Variants in LRRIQ4 observed in about 807,000 individuals in gnomAD.
The protein encoded by LRRIQ4 is leucine-rich repeat and IQ domain-containing protein 4.
LRRIQ4 carries 21 observed loss-of-function variants against 40.1 expected under a neutral mutation model. The observed-to-expected ratio is 0.52, with a 90% CI of 0.37 to 0.75. LRRIQ4 has a LOEUF of 0.75. LRRIQ4 is among the 30% of genes least tolerant of loss of function. The pLI, the probability that LRRIQ4 is intolerant of heterozygous loss-of-function variation, is 0.00. For missense variants in LRRIQ4, 655 were observed against 660.0 expected (o/e 0.99, Z 0.08); for synonymous variants, 277 against 277.1 (o/e 1.00, Z 0.00).
chr3:169,827,353 ATC>A (rs1349166360), intron 2 of LRRIQ4, among the ~76,000 whole-genome samples: 1 of 152,144 alleles, frequency 6.6e-6, no homozygotes, highest in Non-Finnish European at 1.5e-5. Context: ...CATGCCTGTA[ATC>A]TCAGCACTTT....
At chr3:169,831,071 T>G (rs1281249930) in intron 4 of LRRIQ4, among the ~76,000 whole-genome samples, 1 of 152,114 alleles carries the variant, frequency 6.6e-6, no homozygotes, top group Non-Finnish European at 1.5e-5. Flanking sequence ...ATAATTGACC[T>G]GGAAAACTAT....
intron 4 of LRRIQ4, 79 bp downstream of exon 4, chr3:169,830,709 C>A: frequency 1.3e-6 from 2 of 1,525,172 alleles, no homozygotes; most frequent in Non-Finnish European, 1.8e-6. Context: ...CCTTGCTTTG[C>A]TAAAGACCTA....
In LRRIQ4 at chr3:169,837,663, C is replaced by T. The variant is rs752537669; in HGVS notation, c.*32C>T. On this transcript the variant is annotated 3_prime_UTR_variant, in exon 6 of 6. Transcript: ENST00000340806. Reference sequence around the variant, plus strand: ...AAATTGATAAATTGGGGTAATGGACCTTGATAGATTAAGAAGACAAAATAT... The same window carrying T: ...AAATTGATAAATTGGGGTAATGGACTTTGATAGATTAAGAAGACAAAATAT... 23 of 1,508,702 alleles carry T rather than the reference C, an allele frequency of 1.5e-5. No homozygotes were observed. The highest frequency in any genetic ancestry group is 2.4e-5 in the Admixed American group (1 of 40,930). The allele number at this position is 1,508,702 out of a possible 1,614,324, so 93.5% of individuals were successfully genotyped here. A position where few individuals can be genotyped will look rare whatever the true frequency, so the allele number is the denominator to read the frequency against.
In LRRIQ4 at chr3:169,822,327, G is replaced by T; in HGVS notation, c.406G>T (p.Val136Phe). 6.2e-7 allele frequency: 1 copy of T among 1,613,774 alleles called. No homozygotes were observed. Among genetic ancestry groups the T allele is most frequent in the Non-Finnish European group, 8.5e-7 (1 of 1,179,828 alleles). The change falls in exon 2 of 6, where the codon GTC (valine) becomes TTC (phenylalanine). Residue 136 changes from valine (V) to phenylalanine (F), a missense_variant. Transcript: ENST00000340806. Reference protein sequence around the residue: ...YQTDLKEIPVVIFKNLHHLEL... With the variant: ...YQTDLKEIPVFIFKNLHHLEL... ...GACCGACCTGAAGGAAATTCCCGTC[G>T]TCATCTTTAAAAACCTCCACCATCT...
chr3:169,835,518 C>T (rs1383578871), intron 5 of LRRIQ4, among the ~76,000 whole-genome samples: 1 of 151,784 alleles, frequency 6.6e-6, no homozygotes, highest in Non-Finnish European at 1.5e-5. Context: ...GTTATGTTCT[C>T]GGGATGATTT....
chr3:169,824,146 A>G (rs752887563), intron 2 of LRRIQ4, among the ~76,000 whole-genome samples: 20 of 152,160 alleles, frequency 1.3e-4, no homozygotes, highest in Non-Finnish European at 2.2e-4. Context: ...ATATATAATG[A>G]AAATATAAAA....
At position 169,822,143 on chromosome 3, in the gene LRRIQ4, G is replaced by A; in HGVS notation, c.222G>A (p.Arg74=). 6.2e-7 allele frequency: 1 copy of A among 1,612,978 alleles called. No individual in the cohort carries two copies. Among genetic ancestry groups the A allele is most frequent in the Non-Finnish European group, 8.5e-7 (1 of 1,179,684 alleles). Residue 74 remains arginine, a synonymous_variant, in exon 2 of 6, where the codon AGG becomes AGA. Transcript: ENST00000340806. ...AGATTCAGCGTTTAAAGAACATCAGGGTCCTCTACCTGGATAAGAACAACC... is the reference window on the plus strand; with the variant it reads ...AGATTCAGCGTTTAAAGAACATCAGAGTCCTCTACCTGGATAAGAACAACC... ...PQEIQRLKNI[R]VLYLDKNNLR... is the part of the protein sequence containing the mutation.
intron 3 of LRRIQ4, 117 bp downstream of exon 3, chr3:169,829,049 TC>T: frequency 1.1e-6 from 1 of 900,952 alleles, no homozygotes; most frequent in Non-Finnish European, 1.7e-6. Context: ...ATACTAGATT[TC>T]CAGCTTCAGA....
chr3:169,831,706 C>T (rs185324828), intron 4 of LRRIQ4, among the ~76,000 whole-genome samples: 3 of 151,070 alleles, frequency 2.0e-5, no homozygotes, highest in African/African-American at 2.4e-5. Flanking sequence ...GCGGTGCTCA[C>T]GCCTGTAATC....
intron 1 of LRRIQ4, among the ~76,000 whole-genome samples, chr3:169,813,415 T>C (rs1360058906): frequency 6.6e-6 from 1 of 152,194 alleles, no homozygotes; most frequent in Non-Finnish European, 1.5e-5. Flanking sequence ...TGTCCAGATG[T>C]GACGATCTGG....
chr3:169,827,467 C>T lies in LRRIQ4; in HGVS notation c.1021-1292C>T, dbSNP rs376180318. Among the ~76,000 whole-genome samples the T allele has an allele frequency of 3.4e-4, 51 of 151,718 alleles. 1 individual carries two copies. In the South Asian group the frequency reaches 0.01, roughly 30 times the overall value. On this transcript the variant is annotated intron_variant, in intron 2 of 5. Transcript: ENST00000340806. ...CTAAAAATACAAAAAATTAGCCGGGCGTGGTGGTGGGCGCCTGTAGTCCCA... is the reference window on the plus strand; with the variant it reads ...CTAAAAATACAAAAAATTAGCCGGGTGTGGTGGTGGGCGCCTGTAGTCCCA...
intron 3 of LRRIQ4, 95 bp downstream of exon 3, chr3:169,829,027 G>A (rs1281844228): frequency 2.7e-6 from 3 of 1,123,140 alleles, no homozygotes; most frequent in Non-Finnish European, 3.8e-6. Flanking sequence ...CAGGCTGGAT[G>A]TAGAATCATC....
At chr3:169,837,242 T>G (rs1260761879) in intron 5 of LRRIQ4, among the ~76,000 whole-genome samples, 3 of 152,232 alleles carry the variant, frequency 2.0e-5, no homozygotes, top group African/African-American at 7.2e-5. Context: ...GTTATTTCTC[T>G]GCTGTTGCCC....
At position 169,828,848 on chromosome 3, in the gene LRRIQ4, T is replaced by A. The variant is rs769870503; in HGVS notation, c.1110T>A (p.Ser370=). The change falls in exon 3 of 6, where the codon TCT becomes TCA. Residue 370 remains serine (S), a synonymous_variant. Coordinates refer to ENST00000340806, the MANE Select transcript of LRRIQ4 (RefSeq NM_001080460.3). ...EFLSFPEEVL[S]LASLEKLYIG... ...TTTCCTTTCCGGAGGAAGTCCTTTC[T>A]TTAGCGTCTTTAGAGAAATTATACA... 6 of 1,613,938 alleles carry A rather than the reference T, an allele frequency of 3.7e-6. No individual in the cohort carries two copies. The highest frequency in any genetic ancestry group is 5.1e-6 in the Non-Finnish European group (6 of 1,179,850).
intron 1 of LRRIQ4, among the ~76,000 whole-genome samples, chr3:169,814,007 G>A (rs1229790080): frequency 2.0e-5 from 3 of 152,068 alleles, no homozygotes; most frequent in African/African-American, 7.2e-5. Flanking sequence ...TGTGTTACAG[G>A]GTGCTCTTTC....
intron 2 of LRRIQ4, among the ~76,000 whole-genome samples, chr3:169,826,707 A>G (rs749837259): frequency 7.2e-5 from 11 of 152,234 alleles, no homozygotes; most frequent in Non-Finnish European, 1.5e-4. Context: ...AGATTGAAAA[A>G]TCTTTTTTCA....
In LRRIQ4 at chr3:169,828,776, C is replaced by T. The variant is rs1402793825; in HGVS notation, c.1038C>T (p.Gly346=). The change falls in exon 3 of 6, where the codon GGC becomes GGT. Residue 346 remains glycine, a synonymous_variant. Transcript: ENST00000340806. ...ACTTCTAGTTACCTTCAGAATTGGG[C>T]TCACTTTCAAAACTGAAGATACTTG... ...NKIGQLPSEL[G]SLSKLKILGL... The T allele has an allele frequency of 6.2e-7, 1 of 1,612,370 alleles. No individual in the cohort carries two copies. The highest frequency in any genetic ancestry group is 1.1e-5 in the South Asian group (1 of 90,576).
At chr3:169,831,963 T>G (rs2108184301) in intron 4 of LRRIQ4, among the ~76,000 whole-genome samples, 1 of 151,290 alleles carries the variant, frequency 6.6e-6, no homozygotes, top group East Asian at 2.0e-4. Context: ...AAGACTCCGT[T>G]TTAATAAAAG....
At position 169,836,474 on chromosome 3, in the gene LRRIQ4, T is replaced by C. The variant is rs1483087559; in HGVS notation, c.1531-1005T>C. 2.1e-5 allele frequency among the ~76,000 whole-genome samples: 3 copies of C among 141,684 alleles called. No homozygotes were observed. The East Asian group carries it at 7.5e-4, about 36-fold the overall frequency. 93.0% of individuals were successfully genotyped at this position (141,684 alleles called of 152,430 possible). A position where few individuals can be genotyped will look rare whatever the true frequency, so the allele number is the denominator to read the frequency against. ...AAGCTGACTTCTCCCTGTGTCTTCA[T>C]ATAACAGAAAGAGAGAGAGAGAGAG... On this transcript the variant is annotated intron_variant, in intron 5 of 5. Coordinates refer to ENST00000340806, the MANE Select transcript of LRRIQ4 (RefSeq NM_001080460.3).
Sources: allele counts gnomAD v4.1 joint callset (sites outside exome capture counted in the v4.1 genomes callset), GRCh38; gene constraint gnomAD v4.1.1; transcripts MANE v1.5; gene names NCBI Gene and HGNC (gene_info 2026-07-23, HGNC 2026-07-21).